Variants in CDK15 observed in about 807,000 individuals in gnomAD.
CDK15 encodes cyclin-dependent kinase 15.
CDK15 carries 62 observed loss-of-function variants against 60.3 expected under a neutral mutation model. The ratio of observed to expected loss-of-function variants is 1.03; its 90% CI spans 0.84 to 1.27. The LOEUF (loss-of-function observed/expected upper bound fraction) is 1.27, where lower values mean the gene tolerates loss of function less well. CDK15 is among the 50% of genes most tolerant of loss of function. CDK15 has a pLI of 0.00. For missense variants in CDK15, 541 were observed against 527.8 expected, an observed-to-expected ratio of 1.03 and a Z score of -0.25; for synonymous variants, 194 against 195.7, an observed-to-expected ratio of 0.99 and a Z score of 0.07.
intron 6 of CDK15, among the ~76,000 whole-genome samples, chr2:201,825,196 C>T (rs966498168): frequency 1.3e-5 from 2 of 151,490 alleles, no homozygotes; most frequent in Non-Finnish European, 2.9e-5. Flanking sequence ...CACCTGTAAC[C>T]CCAGCTGCTC....
chr2:201,838,716 G>A (rs1697234362), intron 8 of CDK15, among the ~76,000 whole-genome samples: 1 of 152,092 alleles, frequency 6.6e-6, no homozygotes, highest in African/African-American at 2.4e-5. Context: ...CAATTAAGAA[G>A]CTTAATAACG....
At chr2:201,835,515 ATTAG>A (rs1447709779) in intron 7 of CDK15, 124 bp from the exon 8 acceptor site, 16 of 1,067,742 alleles carry the variant, frequency 1.5e-5, no homozygotes, top group Non-Finnish European at 2.1e-5. Context: ...CAAGATAGTG[ATTAG>A]TTCTACTAAA....
At chr2:201,853,229 G>A (rs953975939) in intron 9 of CDK15, among the ~76,000 whole-genome samples, 14 of 152,190 alleles carry the variant, frequency 9.2e-5, no homozygotes, top group African/African-American at 2.9e-4. Context: ...GTGTTCCCTC[G>A]GGCTCAGGGT....
chr2:201,825,485 C>T (rs990870251), intron 6 of CDK15, among the ~76,000 whole-genome samples: 2 of 132,518 alleles, frequency 1.5e-5, no homozygotes, highest in Non-Finnish European at 3.2e-5. Flanking sequence ...TGTTTGAGGA[C>T]AAAGGGTTAA....
rs1027416643 is a variant in CDK15 at position 201,872,436 on chromosome 2, G to T, written c.1058+110G>T. The stretch of plus-strand genomic sequence containing the variant: ...AGCAGCCCCCGAGCACTTCCATGTG[G>T]GGGCTCTAAGCTGTAGGAAGATGCC... On this transcript the variant is annotated intron_variant, in intron 11 of 13. Transcript: ENST00000652192. The T allele has an allele frequency of 3.5e-6, 4 of 1,152,218 alleles. 1 individual carries two copies. In the African/African-American group the frequency reaches 6.1e-5, roughly 18 times the overall value. The allele number at this position is 1,152,218 out of a possible 1,614,324, so 71.4% of individuals were successfully genotyped here. A position where few individuals can be genotyped will look rare whatever the true frequency, so the allele number is the denominator to read the frequency against.
At chr2:201,835,964 A>C (rs570289455) in intron 8 of CDK15, among the ~76,000 whole-genome samples, 4 of 99,994 alleles carry the variant, frequency 4.0e-5, no homozygotes, top group African/African-American at 1.4e-4. Flanking sequence ...ATTTGTATAT[A>C]TTTATATATT....
rs1413521000 is a variant in CDK15 at position 201,807,768 on chromosome 2, T to C, written c.274-90T>C. 3.9e-6 allele frequency: 6 copies of C among 1,549,304 alleles called. No individual in the cohort carries two copies. The Admixed American group carries it at 9.6e-5, about 25-fold the overall frequency. On this transcript the variant is annotated intron_variant, in intron 2 of 13. Transcript: ENST00000652192. The stretch of plus-strand genomic sequence containing the variant: ...AGTCTGCTCTGGCAATGCTGTCTAA[T>C]TTCCCTGGGGAAAAAAAGTCAACAC...
intron 7 of CDK15, among the ~76,000 whole-genome samples, chr2:201,834,784 G>A (rs755040407): frequency 6.6e-6 from 1 of 152,170 alleles, no homozygotes; most frequent in Non-Finnish European, 1.5e-5. Flanking sequence ...GATGCCAAAT[G>A]GTGATACTAT....
chr2:201,854,173 C>CAA (rs1404709152), intron 9 of CDK15, among the ~76,000 whole-genome samples: 6 of 137,380 alleles, frequency 4.4e-5, no homozygotes, highest in South Asian at 2.3e-4. Context: ...GACTCCGTCT[C>CAA]AAAAAAAAAA....
In CDK15 at chr2:201,832,676, C is replaced by G. The variant is rs113363464; in HGVS notation, c.607-1172C>G. The stretch of plus-strand genomic sequence containing the variant: ...TGGTAGCTACATGAAACCTGCATAG[C>G]TGCAGGTATGCTATGGTAGGTAAAC... On this transcript the variant is annotated intron_variant, in intron 6 of 13. Coordinates refer to ENST00000652192, the MANE Select transcript of CDK15 (RefSeq NM_001366386.2). 5.8e-3 allele frequency among the ~76,000 whole-genome samples: 881 copies of G among 152,340 alleles called. 9 individuals are homozygous for G. Among genetic ancestry groups the G allele is most frequent in the African/African-American group, 0.02 (832 of 41,586 alleles).
chr2:201,870,975 T>G (rs2105815760), intron 10 of CDK15, among the ~76,000 whole-genome samples: 1 of 152,270 alleles, frequency 6.6e-6, no homozygotes, highest in Non-Finnish European at 1.5e-5. Context: ...GGATGGTTTT[T>G]GTTTGGGTTA....
intron 6 of CDK15, among the ~76,000 whole-genome samples, chr2:201,830,671 C>T (rs1696714587): frequency 6.6e-6 from 1 of 152,110 alleles, no homozygotes; most frequent in Admixed American, 6.5e-5. Context: ...ATCCAAGTGC[C>T]CACATCTTCA....
chr2:201,886,074 A>G (rs1163172575), intron 12 of CDK15, among the ~76,000 whole-genome samples: 2 of 152,176 alleles, frequency 1.3e-5, no homozygotes, highest in African/African-American at 2.4e-5. Context: ...GATTAGAACC[A>G]AGATCTTGAT....
intron 8 of CDK15, 76 bp downstream of exon 8, chr2:201,835,839 A>G (rs1356487941): frequency 1.7e-6 from 2 of 1,179,564 alleles, no homozygotes; most frequent in Non-Finnish European, 2.2e-6. Flanking sequence ...TATTTTAATA[A>G]TAATTCTAAA....
intron 9 of CDK15, among the ~76,000 whole-genome samples, 171 bp downstream of exon 9, chr2:201,847,645 G>C (rs2105775369): frequency 6.6e-6 from 1 of 152,272 alleles, no homozygotes; most frequent in South Asian, 2.1e-4. Context: ...GGGAATGTGT[G>C]GTCAGGAAAC....
In CDK15 at chr2:201,812,580, G is replaced by T. The variant is rs761521933; in HGVS notation, c.448+18G>T. On this transcript the variant is annotated intron_variant, in intron 4 of 13. Coordinates refer to ENST00000652192, the MANE Select transcript of CDK15 (RefSeq NM_001366386.2). Reference sequence around the variant, plus strand: ...CCGAGAAGGTAAGAACAGCAGAAATGGACCCAATAGATCTGTTTTGAGTCC... The same window carrying T: ...CCGAGAAGGTAAGAACAGCAGAAATTGACCCAATAGATCTGTTTTGAGTCC... 1.3e-6 allele frequency: 2 copies of T among 1,559,574 alleles called. No individual in the cohort carries two copies. Among genetic ancestry groups the T allele is most frequent in the South Asian group, 1.1e-5 (1 of 89,812 alleles).
At chr2:201,872,040 G>A (rs1245199715) in intron 10 of CDK15, among the ~76,000 whole-genome samples, 1 of 152,050 alleles carries the variant, frequency 6.6e-6, no homozygotes, top group African/African-American at 2.4e-5. Flanking sequence ...AAGTAATTGG[G>A]GTTAGGACTT....
intron 3 of CDK15, among the ~76,000 whole-genome samples, chr2:201,808,253 C>T (rs1695604489): frequency 6.6e-6 from 1 of 152,214 alleles, no homozygotes; most frequent in Non-Finnish European, 1.5e-5. Context: ...ACAATTATCA[C>T]TCTTCAGGCC....
chr2:201,856,941 CGGCCGGGCGCGGTGGCTCACGCCTGT>C (rs1698166240), intron 10 of CDK15, among the ~76,000 whole-genome samples: 1 of 115,254 alleles, frequency 8.7e-6, no homozygotes, highest in South Asian at 2.3e-4. Context: ...AACTGGGTTC[CGGCCGGGCGCGGTGGCTCACGCCTGT>C]AATCCCAGCA....
Sources: gnomAD v4.1 joint callset for allele counts (sites outside exome capture counted in the v4.1 genomes callset) on GRCh38, gnomAD v4.1.1 for gene constraint, MANE v1.5 for transcripts, NCBI Gene and HGNC (gene_info 2026-07-23, HGNC 2026-07-21) for gene names.